Variants in SMARCB1 observed in about 807,000 individuals in gnomAD.
The protein encoded by SMARCB1 is SWI/SNF related BAF chromatin remodeling complex subunit B1.
A neutral mutation model predicts 49.0 loss-of-function variants in SMARCB1; 5 were observed. The ratio of observed to expected loss-of-function variants is 0.10; its 90% CI spans 0.05 to 0.21. SMARCB1 has a LOEUF of 0.21. Among genes scored for constraint, SMARCB1 ranks in the 10% least tolerant of loss-of-function variants. The probability of loss-of-function intolerance (pLI) is 1.00; values close to 1 mark genes in which losing one functional copy is unlikely to be tolerated. For synonymous variants in SMARCB1, 201 were observed against 200.1 expected, an observed-to-expected ratio of 1.00 and a Z score of -0.04; for missense variants, 226 against 509.2, an observed-to-expected ratio of 0.44 and a Z score of 5.35.
chr22:23,801,365 C>G (rs1381751398), intron 4 of SMARCB1: 1 of 683,618 alleles, frequency 1.5e-6, no homozygotes, highest in South Asian at 1.5e-5. Context: ...TCTCTGCCCT[C>G]AGTTTCACAT....
chr22:23,833,886 A>G lies in SMARCB1; in HGVS notation c.1118+183A>G, dbSNP rs529275266. 5.9e-5 allele frequency among the ~76,000 whole-genome samples: 9 copies of G among 152,338 alleles called. No individual in the cohort carries two copies. In the South Asian group the frequency reaches 1.9e-3, roughly 32 times the overall value. ...CAAACGCCAGGGTATGTTTCCCTGC[A>G]TGGAACAAACATAATTCCTCAGGCT... On this transcript the variant is annotated intron_variant, in intron 8 of 8. Coordinates refer to ENST00000644036, the MANE Select transcript of SMARCB1 (RefSeq NM_003073.5).
chr22:23,819,744 C>G (rs1172141615), intron 6 of SMARCB1, among the ~76,000 whole-genome samples: 1 of 57,896 alleles, frequency 1.7e-5, no homozygotes, highest in Non-Finnish European at 3.8e-5. Context: ...CTGCCTTTCT[C>G]GGTGGCTGCA....
At chr22:23,801,848 T>C in intron 4 of SMARCB1, 1 of 182,274 alleles carries the variant, frequency 5.5e-6, no homozygotes, top group South Asian at 1.1e-4. Flanking sequence ...CTTCGGGGTC[T>C]GTTTTTTACC....
At chr22:23,832,151 T>A (rs983692967) in intron 7 of SMARCB1, among the ~76,000 whole-genome samples, 3 of 152,080 alleles carry the variant, frequency 2.0e-5, no homozygotes, top group Non-Finnish European at 4.4e-5. Flanking sequence ...GGGTGTGTGC[T>A]CACTGGTGTG....
Position 23,837,667 on chromosome 22 carries a change from T to G in SMARCB1, c.*3487T>G. 2 of 1,612,660 alleles carry G rather than the reference T, an allele frequency of 1.2e-6. No homozygotes were observed. Among genetic ancestry groups the G allele is most frequent in the Non-Finnish European group, 1.7e-6 (2 of 1,179,242 alleles). On this transcript the variant is annotated 3_prime_UTR_variant, in exon 9 of 9. Coordinates refer to ENST00000644036, the MANE Select transcript of SMARCB1 (RefSeq NM_003073.5). Reference sequence around the variant, plus strand: ...TGTACCGGGAGGCTCACCCAGCAGGTCCACGAGGATGGAGTTGCCCAGCAG... The same window carrying G: ...TGTACCGGGAGGCTCACCCAGCAGGGCCACGAGGATGGAGTTGCCCAGCAG...
chr22:23,812,240 G>C (rs1047500916), intron 5 of SMARCB1, among the ~76,000 whole-genome samples: 2 of 152,148 alleles, frequency 1.3e-5, no homozygotes, highest in African/African-American at 4.8e-5. Flanking sequence ...AGGATTACTT[G>C]AGGCCAGGAG....
chr22:23,793,781 C>A, intron 3 of SMARCB1, 93 bp downstream of exon 3: 6 of 776,310 alleles, frequency 7.7e-6, no homozygotes, highest in Non-Finnish European at 1.0e-5. Context: ...AATTGAAACA[C>A]TTTTTTTTTT....
At chr22:23,806,148 T>C (rs992070244) in intron 5 of SMARCB1, among the ~76,000 whole-genome samples, 6 of 152,058 alleles carry the variant, frequency 3.9e-5, no homozygotes, top group African/African-American at 1.4e-4. Flanking sequence ...GACGTGAAAA[T>C]CATTTGCATA....
intron 1 of SMARCB1, among the ~76,000 whole-genome samples, chr22:23,789,378 A>T (rs971370577): frequency 2.6e-5 from 4 of 152,190 alleles, no homozygotes; most frequent in East Asian, 1.9e-4. Flanking sequence ...ACCTGATCTA[A>T]TGGGTGTAAA....
chr22:23,787,366 G>GGCGGGCGCGC (rs1555875346), intron 1 of SMARCB1, 104 bp downstream of exon 1: 1 of 477,726 alleles, frequency 2.1e-6, no homozygotes, highest in African/African-American at 2.6e-5. Flanking sequence ...GGGGCGGGCG[G>GGCGGGCGCGC]GCGCGCGCGC....
At chr22:23,816,709 G>A in intron 5 of SMARCB1, 61 bp from the exon 6 acceptor site, 2 of 1,498,632 alleles carry the variant, frequency 1.3e-6, no homozygotes, top group South Asian at 2.2e-5. Context: ...GGGTGAGGGA[G>A]GCCGGTCCAT....
chr22:23,809,893 G>C (rs1408937115), intron 5 of SMARCB1, among the ~76,000 whole-genome samples: 1 of 152,076 alleles, frequency 6.6e-6, no homozygotes, highest in African/African-American at 2.4e-5. Flanking sequence ...ACTAAGTGCT[G>C]GGCGGGGTGG....
intron 6 of SMARCB1, among the ~76,000 whole-genome samples, chr22:23,822,957 CTTTTTTTTTTTTTTTTTTTTTTT>C (rs58056758): frequency 0.12 from 9,045 of 72,474 alleles, 505 homozygotes; most frequent in South Asian, 0.18. Context: ...ACCAGCATAG[CTTTTTTTTTTTTTTTTTTTTTTT>C]TTTTTTTTTT....
At chr22:23,825,012 G>C (rs1278398175) in intron 6 of SMARCB1, 3 of 611,244 alleles carry the variant, frequency 4.9e-6, no homozygotes, top group African/African-American at 3.7e-5. Context: ...GGGTGACTGT[G>C]CTGGGCCCTG....
At position 23,808,041 on chromosome 22, in the gene SMARCB1, C is replaced by T. The variant is rs377385758; in HGVS notation, c.628+4619C>T. Among the ~76,000 whole-genome samples the T allele has an allele frequency of 9.9e-5, 15 of 151,240 alleles. No homozygotes were observed. The South Asian group carries it at 2.5e-3, about 25-fold the overall frequency. On this transcript the variant is annotated intron_variant, in intron 5 of 8. Transcript: ENST00000644036. ...TGCGATCTCAGTTCACTGCAAGCTC[C>T]GCCTCCCGGGTTCATGCCATTCTCC...
intron 5 of SMARCB1, 187 bp from the exon 6 acceptor site, chr22:23,816,583 C>T: frequency 3.0e-6 from 2 of 675,406 alleles, no homozygotes; most frequent in Non-Finnish European, 5.4e-6. Flanking sequence ...AGGATGAGGG[C>T]TGGGGGCCTG....
intron 5 of SMARCB1, chr22:23,815,369 C>G (rs191263130): frequency 6.6e-6 from 1 of 152,098 alleles, no homozygotes. Context: ...CCTGTCTCTT[C>G]TAAAAATACA....
intron 5 of SMARCB1, among the ~76,000 whole-genome samples, chr22:23,806,919 CA>C (rs61000279): frequency 0.057 from 4,963 of 86,754 alleles, 226 homozygotes; most frequent in African/African-American, 0.18. Context: ...GACTCTATCT[CA>C]AAAAAAAAAA....
At chr22:23,801,842 G>A (rs949766818) in intron 4 of SMARCB1, 3 of 184,650 alleles carry the variant, frequency 1.6e-5, no homozygotes, top group African/African-American at 7.1e-5. Flanking sequence ...AGATGTCTTC[G>A]GGGTCTGTTT....
Sources: gnomAD v4.1 joint callset for allele counts (sites outside exome capture counted in the v4.1 genomes callset) on GRCh38, gnomAD v4.1.1 for gene constraint, MANE v1.5 for transcripts, NCBI Gene and HGNC (gene_info 2026-07-23, HGNC 2026-07-21) for gene names.